ITPRID1: variants seen among roughly 807,000 people sequenced by gnomAD.
ITPRID1 encodes the protein ITPR interacting domain containing 1.
In ITPRID1, 96 loss-of-function variants were observed where a neutral mutation model predicts 95.4. The ratio of observed to expected loss-of-function variants is 1.01; its 90% confidence interval spans 0.85 to 1.19. The LOEUF is 1.19. ITPRID1 is among the 50% of genes most tolerant of loss of function. ITPRID1 has a pLI of 0.00. For missense variants in ITPRID1, 1,339 were observed against 1,252.9 expected (o/e 1.07, Z -1.04); for synonymous variants, 510 against 453.6 (o/e 1.12, Z -1.58).
At chr7:31,599,795 A>C (rs1786311212) in intron 10 of ITPRID1, among the ~76,000 whole-genome samples, 1 of 151,026 alleles carries the variant, frequency 6.6e-6, no homozygotes, top group African/African-American at 2.4e-5. Context: ...TCCCGGATTC[A>C]GGCCATTCTC....
chr7:31,643,855 T>G lies in ITPRID1; in HGVS notation c.2485T>G (p.Cys829Gly). Reference protein sequence around the residue: ...RQSPGPEPSVCRHCLCSLTGH... With the variant: ...RQSPGPEPSVGRHCLCSLTGH... ...AAGCCCTGGCCCTGAACCCTCAGTC[T>G]GTAGGCACTGCCTGTGTTCACTAAC... Residue 829 changes from cysteine to glycine, a missense_variant, in exon 12 of 15, where the codon TGT becomes GGT. Cys to Gly is a radical substitution (Grantham distance 159). Transcript: ENST00000615280. 3.1e-6 allele frequency: 5 copies of G among 1,613,932 alleles called. No homozygotes were observed. The highest frequency in any genetic ancestry group is 4.2e-6 in the Non-Finnish European group (5 of 1,179,898).
At chr7:31,639,147 T>C (rs911095817) in intron 10 of ITPRID1, among the ~76,000 whole-genome samples, 6 of 152,316 alleles carry the variant, frequency 3.9e-5, no homozygotes, top group Middle Eastern at 3.4e-3. Context: ...TGTTGGACTT[T>C]GTGAAACAAA....
intron 12 of ITPRID1, among the ~76,000 whole-genome samples, chr7:31,650,344 T>C (rs1790839570): frequency 6.6e-6 from 1 of 152,164 alleles, no homozygotes; most frequent in African/African-American, 2.4e-5. Context: ...GACACAGCCT[T>C]GTGCTGCTGG....
chr7:31,620,742 G>C (rs911701650), intron 10 of ITPRID1, among the ~76,000 whole-genome samples: 3 of 152,162 alleles, frequency 2.0e-5, no homozygotes, highest in Admixed American at 2.0e-4. Flanking sequence ...CACCAGCAAT[G>C]GAACAAAGCT....
At chr7:31,588,592 A>G (rs554990881) in intron 10 of ITPRID1, among the ~76,000 whole-genome samples, 2 of 118,562 alleles carry the variant, frequency 1.7e-5, no homozygotes, top group Admixed American at 2.5e-4. Context: ...GATTGTGTCA[A>G]CTGCACTCCA....
intron 10 of ITPRID1, among the ~76,000 whole-genome samples, chr7:31,584,901 T>C (rs1260147038): frequency 6.6e-6 from 1 of 152,214 alleles, no homozygotes; most frequent in Non-Finnish European, 1.5e-5. Flanking sequence ...GCAGCAGTGA[T>C]GTTGTGCTAG....
At chr7:31,658,407 T>G, downstream of ITPRID1, 1 of 1,486,394 alleles carries the variant, frequency 6.7e-7, no homozygotes, top group Non-Finnish European at 8.9e-7. Flanking sequence ...TTTTCTTTGT[T>G]GAGAAAATAA....
In ITPRID1 at chr7:31,577,874, C is replaced by T. The variant is rs1362510095; in HGVS notation, c.610C>T (p.Gln204Ter). 4.4e-6 allele frequency: 7 copies of T among 1,592,196 alleles called. No homozygotes were observed. The highest frequency in any genetic ancestry group is 2.2e-5 in the East Asian group (1 of 44,554). ...ENPNLYGRFRQLEILDHVTNA... is the reference protein window; with the variant it reads ...ENPNLYGRFR ...CTTGTGTTGTGCAGGTCGTTTCCGA[C>T]AGCTGGAAATCCTGGACCATGTGAC... The change falls in exon 9 of 15, where the codon CAG (glutamine) becomes TAG (stop). Residue 204 changes from glutamine (Q) to a stop codon, truncating the protein, a stop_gained. Transcript: ENST00000615280. LOFTEE classifies it high-confidence loss of function.
At chr7:31,609,638 CCTCT>C (rs914393872) in intron 10 of ITPRID1, among the ~76,000 whole-genome samples, 5 of 151,306 alleles carry the variant, frequency 3.3e-5, no homozygotes, top group African/African-American at 1.2e-4. Flanking sequence ...GTAATTACAT[CCTCT>C]CTTTCATTCA....
At chr7:31,646,251 A>G (rs1021997222) in intron 12 of ITPRID1, among the ~76,000 whole-genome samples, 2 of 152,232 alleles carry the variant, frequency 1.3e-5, no homozygotes, top group African/African-American at 4.8e-5. Context: ...CCCAGAGAGC[A>G]TGACTGGTCA....
chr7:31,598,561 G>A (rs1034980387), intron 10 of ITPRID1, among the ~76,000 whole-genome samples: 3 of 151,622 alleles, frequency 2.0e-5, no homozygotes, highest in Non-Finnish European at 4.4e-5. Flanking sequence ...CCGCTACCAC[G>A]CCCGGCTACT....
intron 10 of ITPRID1, among the ~76,000 whole-genome samples, chr7:31,625,084 C>T (rs918806623): frequency 1.3e-5 from 2 of 152,166 alleles, no homozygotes; most frequent in African/African-American, 4.8e-5. Context: ...TATCATCTCA[C>T]ACCAGTTAGA....
At chr7:31,525,486 G>T (rs549810364) in intron 1 of ITPRID1, among the ~76,000 whole-genome samples, 1 of 152,172 alleles carries the variant, frequency 6.6e-6, no homozygotes, top group Admixed American at 6.5e-5. Context: ...AGACTCCATG[G>T]TATAGTAACA....
At chr7:31,518,799 G>A (rs1347725695) in intron 1 of ITPRID1, among the ~76,000 whole-genome samples, 2 of 151,998 alleles carry the variant, frequency 1.3e-5, no homozygotes, top group African/African-American at 2.4e-5. Context: ...AATTTGCAAG[G>A]ACAAATTTAA....
chr7:31,658,245 T>C, downstream of ITPRID1: 3 of 1,480,782 alleles, frequency 2.0e-6, no homozygotes, highest in Non-Finnish European at 2.7e-6. Context: ...TTAGGTTTTG[T>C]TTATTTAACA....
chr7:31,544,201 A>C (rs550555432), intron 1 of ITPRID1, among the ~76,000 whole-genome samples: 1 of 152,204 alleles, frequency 6.6e-6, no homozygotes, highest in South Asian at 2.1e-4. Flanking sequence ...ATTAAGTATG[A>C]TGTTGGCTAC....
chr7:31,572,967 G>T (rs781599615), intron 7 of ITPRID1, among the ~76,000 whole-genome samples: 1 of 152,160 alleles, frequency 6.6e-6, no homozygotes, highest in Non-Finnish European at 1.5e-5. Context: ...AAGTCACTAT[G>T]ATAACAGATT....
At chr7:31,527,546 C>T (rs1299314065) in intron 1 of ITPRID1, among the ~76,000 whole-genome samples, 1 of 152,124 alleles carries the variant, frequency 6.6e-6, no homozygotes, top group Admixed American at 6.6e-5. Context: ...TCCCTCAATG[C>T]CCTGCTAACT....
intron 9 of ITPRID1, 135 bp downstream of exon 9, chr7:31,578,569 G>C (rs1785283134): frequency 3.2e-6 from 2 of 624,280 alleles, no homozygotes; most frequent in Non-Finnish European, 5.1e-6. Flanking sequence ...AGTCAGTTTA[G>C]TGATTTAAAG....
Sources: allele counts gnomAD v4.1 joint callset (sites outside exome capture counted in the v4.1 genomes callset), GRCh38; gene constraint gnomAD v4.1.1; transcripts MANE v1.5; gene names NCBI Gene and HGNC (gene_info 2026-07-23, HGNC 2026-07-21).